Variants in GMDS observed in about 807,000 individuals in gnomAD.
GMDS encodes the protein GDP-mannose 4,6-dehydratase, also known as GDP-mannose 4,6 dehydratase.
In GMDS, 20 loss-of-function variants were observed where a neutral mutation model predicts 49.9. That is an observed-to-expected ratio of 0.40 (90% CI 0.28 to 0.58). The LOEUF (loss-of-function observed/expected upper bound fraction) is 0.58, where lower values mean the gene tolerates loss of function less well. GMDS is among the 20% of genes least tolerant of loss of function. GMDS has a pLI of 0.42. For synonymous variants in GMDS, 177 were observed against 178.6 expected (o/e 0.99, Z 0.07); for missense variants, 362 against 481.4 (o/e 0.75, Z 2.32).
chr6:1,687,535 GCTCCTGTGTTCCAGGCACCGTCCTT>G (rs66702310), intron 9 of GMDS, among the ~76,000 whole-genome samples: 133,679 of 151,260 alleles, frequency 0.88, 59,328 homozygotes, highest in Middle Eastern at 0.95. Flanking sequence ...CCATCAGCAA[GCTCCTGTGTTCCAGGCACCGTCCTT>G]CTCCTGTGTT....
Position 1,778,268 on chromosome 6 carries a change from G to A in GMDS, c.772-35682C>T, listed in dbSNP as rs780680531. On this transcript the variant is annotated intron_variant, in intron 7 of 10. Coordinates refer to ENST00000380815, the MANE Select transcript of GMDS (RefSeq NM_001500.4). This position sits in a 1 kb window ranked among gnomAD's most constrained non-coding sequence, Gnocchi z 4.6. ...ACTTTGCTGGATTCTGTTACACTAG[G>A]GCCTCTGTGACCCCTAGGTCAAAAG... Among the ~76,000 whole-genome samples, 13 of 152,046 alleles carry A rather than the reference G, an allele frequency of 8.6e-5. No individual in the cohort carries two copies. Among genetic ancestry groups the A allele is most frequent in the Non-Finnish European group, 1.5e-4 (10 of 68,002 alleles).
intron 7 of GMDS, among the ~76,000 whole-genome samples, chr6:1,867,624 G>T (rs1299639514): frequency 6.6e-6 from 1 of 152,206 alleles, no homozygotes; most frequent in Non-Finnish European, 1.5e-5. Flanking sequence ...AGAAGGTCCT[G>T]TCACAGGGAT....
At chr6:1,938,110 C>A (rs73425577) in intron 6 of GMDS, among the ~76,000 whole-genome samples, 1 of 152,128 alleles carries the variant, frequency 6.6e-6, no homozygotes, top group South Asian at 2.1e-4. Flanking sequence ...ACATTCCTTT[C>A]GTGAGCATAA....
intron 4 of GMDS, among the ~76,000 whole-genome samples, chr6:2,089,011 T>C (rs182338147): frequency 6.6e-6 from 1 of 152,220 alleles, no homozygotes; most frequent in African/African-American, 2.4e-5. Flanking sequence ...TGGGCAGCTA[T>C]TATGTGTAAA....
chr6:2,018,164 T>A (rs1768024396), intron 4 of GMDS, among the ~76,000 whole-genome samples: 1 of 152,176 alleles, frequency 6.6e-6, no homozygotes, highest in Non-Finnish European at 1.5e-5. Context: ...ACCTTCTCTA[T>A]CTACTGGCAA....
At chr6:1,916,552 C>T (rs1264183853) in intron 7 of GMDS, among the ~76,000 whole-genome samples, 7 of 151,020 alleles carry the variant, frequency 4.6e-5, no homozygotes, top group Admixed American at 1.3e-4. Flanking sequence ...GAGAGAGAGA[C>T]GAAAAAGGGA....
intron 7 of GMDS, among the ~76,000 whole-genome samples, chr6:1,804,126 G>A (rs371013713): frequency 5.9e-5 from 9 of 152,322 alleles, no homozygotes; most frequent in African/African-American, 1.4e-4. Context: ...TTAATTTGTC[G>A]TTGTTTTTGT....
chr6:2,012,796 G>A (rs747678863), intron 4 of GMDS, among the ~76,000 whole-genome samples: 1 of 152,082 alleles, frequency 6.6e-6, no homozygotes, highest in Non-Finnish European at 1.5e-5. Context: ...CCCCAACTTA[G>A]AGGAGTCCCC....
intron 7 of GMDS, among the ~76,000 whole-genome samples, chr6:1,915,626 C>A (rs900932903): frequency 6.6e-6 from 1 of 152,184 alleles, no homozygotes; most frequent in East Asian, 1.9e-4. Context: ...CTCTGGCAGC[C>A]ATGTGGGAGG....
chr6:2,240,803 T>A (rs539367687), intron 1 of GMDS, among the ~76,000 whole-genome samples: 1 of 152,182 alleles, frequency 6.6e-6, no homozygotes, highest in Non-Finnish European at 1.5e-5. Flanking sequence ...ATCAATGTCA[T>A]AAGGAAGATG....
At chr6:2,235,570 T>A (rs571785347) in intron 1 of GMDS, among the ~76,000 whole-genome samples, 1 of 151,108 alleles carries the variant, frequency 6.6e-6, no homozygotes, top group Admixed American at 6.6e-5. Flanking sequence ...CTTGGAGAGG[T>A]TGAGATGGTA....
At chr6:2,123,467 A>C (rs1775253020) in intron 2 of GMDS, among the ~76,000 whole-genome samples, 1 of 152,210 alleles carries the variant, frequency 6.6e-6, no homozygotes, top group Non-Finnish European at 1.5e-5. Flanking sequence ...ATTCCTCTCT[A>C]GCCACCAAAC....
At chr6:1,998,713 G>C (rs1268007161) in intron 4 of GMDS, among the ~76,000 whole-genome samples, 1 of 152,080 alleles carries the variant, frequency 6.6e-6, no homozygotes, top group Admixed American at 6.5e-5. Flanking sequence ...AAGACGATTT[G>C]AAAAATACAG....
At chr6:1,894,729 AT>A (rs1352008312) in intron 7 of GMDS, among the ~76,000 whole-genome samples, 1 of 152,200 alleles carries the variant, frequency 6.6e-6, no homozygotes, top group African/African-American at 2.4e-5. Context: ...TAATACAATC[AT>A]TTTTTTAAAA....
At chr6:2,041,956 A>G (rs980723048) in intron 4 of GMDS, among the ~76,000 whole-genome samples, 2 of 152,200 alleles carry the variant, frequency 1.3e-5, no homozygotes, top group Non-Finnish European at 2.9e-5. Flanking sequence ...GCCTATGCAC[A>G]TGGACTGTGT....
At chr6:1,974,773 G>T (rs1391506742) in intron 4 of GMDS, among the ~76,000 whole-genome samples, 2 of 151,734 alleles carry the variant, frequency 1.3e-5, no homozygotes, top group African/African-American at 2.4e-5. Flanking sequence ...GCTCATGCCT[G>T]CAATCCCAGC....
chr6:2,137,838 G>A (rs1209799316), intron 1 of GMDS, among the ~76,000 whole-genome samples: 1 of 152,172 alleles, frequency 6.6e-6, no homozygotes, highest in Non-Finnish European at 1.5e-5. Context: ...AACCAGCAAT[G>A]ATCTATGAAT....
intron 6 of GMDS, among the ~76,000 whole-genome samples, chr6:1,938,359 T>C (rs888879822): frequency 5.3e-5 from 8 of 152,362 alleles, no homozygotes; most frequent in Admixed American, 3.3e-4. Flanking sequence ...ATAAATTCCC[T>C]TCTTAAAATG....
At chr6:1,686,261 A>G (rs1764973679) in intron 9 of GMDS, among the ~76,000 whole-genome samples, 1 of 152,206 alleles carries the variant, frequency 6.6e-6, no homozygotes, top group Non-Finnish European at 1.5e-5. Flanking sequence ...AGTTGGTGTT[A>G]TGACTTGTCT....
Sources: allele counts gnomAD v4.1 joint callset (sites outside exome capture counted in the v4.1 genomes callset), GRCh38; gene constraint gnomAD v4.1.1; non-coding constraint Gnocchi (gnomAD v3.1); transcripts MANE v1.5; gene names NCBI Gene and HGNC (gene_info 2026-07-23, HGNC 2026-07-21).